Variants in XIST observed in about 807,000 individuals in gnomAD.
The protein encoded by XIST is X inactive specific transcript (non-protein coding).
exon 6 of XIST, chrX:73,824,530 A>C (rs1254347969): frequency 7.2e-6 from 4 of 556,053 alleles, no homozygotes; most frequent in Non-Finnish European, 1.3e-5. Context: ...TGATCTATTT[A>C]ACAGGTATTT....
chrX:73,826,562 T>A, exon 6 of XIST: 1 of 559,047 alleles, frequency 1.8e-6, no homozygotes, highest in Non-Finnish European at 3.2e-6. Context: ...CTCAAAAGAA[T>A]CAGGCTTAAA....
chrX:73,850,063 T>G (rs1220799664), exon 1 of XIST: 3 of 556,901 alleles, frequency 5.4e-6, no homozygotes, highest in East Asian at 6.5e-5. Context: ...AGTAGGTGAT[T>G]AGTCAATTAG....
intron 2 of XIST, among the ~76,000 whole-genome samples, chrX:73,835,568 GT>G (rs1217972704): frequency 8.9e-6 from 1 of 112,232 alleles, no homozygotes; most frequent in African/African-American, 3.2e-5. Flanking sequence ...TTTTATAGTT[GT>G]ATTATAGATG....
chrX:73,851,901 TCACA>T (rs773049134), exon 1 of XIST: 1 of 557,480 alleles, frequency 1.8e-6, no homozygotes, highest in Admixed American at 2.2e-5. Flanking sequence ...GTAGGTACAC[TCACA>T]CACCACCAAA....
intron 1 of XIST, chrX:73,837,574 A>G (rs752447651): frequency 6.2e-6 from 3 of 487,506 alleles, no homozygotes; most frequent in Non-Finnish European, 7.3e-6. Flanking sequence ...AGTTAATAAT[A>G]ATGTATCAAT....
At chrX:73,831,381 T>C (rs899764337) in intron 3 of XIST, 1 of 429,890 alleles carries the variant, frequency 2.3e-6, no homozygotes. Context: ...CTTTTCTTCA[T>C]GTGGATTGAA....
exon 1 of XIST, chrX:73,848,992 A>C (rs1360417205): frequency 1.8e-6 from 1 of 559,054 alleles, no homozygotes; most frequent in Non-Finnish European, 3.2e-6. Flanking sequence ...GGCTCTAAGA[A>C]TGAGTCAGTC....
At chrX:73,842,383 TC>T in exon 1 of XIST, 2 of 549,875 alleles carry the variant, frequency 3.6e-6, no homozygotes, top group East Asian at 3.3e-5. Flanking sequence ...GCAATCCAGC[TC>T]CCTGGGTCTG....
At chrX:73,827,106 T>C (rs1006368820) in exon 6 of XIST, 1 of 558,835 alleles carries the variant, frequency 1.8e-6, no homozygotes, top group African/African-American at 2.2e-5. Context: ...CTTCTATCCA[T>C]ATGAGCCTTC....
At chrX:73,844,918 G>A in exon 1 of XIST, 1 of 390,020 alleles carries the variant, frequency 2.6e-6, no homozygotes, top group Non-Finnish European at 4.9e-6. Context: ...TGCCAGAAGG[G>A]AAAGGAAGAT....
exon 4 of XIST, chrX:73,831,170 G>A (rs1351035990): frequency 1.1e-5 from 6 of 555,012 alleles, no homozygotes; most frequent in Non-Finnish European, 1.9e-5. Flanking sequence ...GTGGTAGTGA[G>A]CTTTTCCCCT....
intron 4 of XIST, among the ~76,000 whole-genome samples, chrX:73,830,039 T>C (rs1403484461): frequency 9.1e-6 from 1 of 110,192 alleles, no homozygotes; most frequent in Non-Finnish European, 1.9e-5. Flanking sequence ...ACAATATTGC[T>C]CTTTGAGATA....
At chrX:73,840,316 C>G (rs68043269) in intron 1 of XIST, among the ~76,000 whole-genome samples, 10,307 of 110,296 alleles carry the variant, frequency 0.093, 608 homozygotes, top group African/African-American at 0.21. Flanking sequence ...TGGAGTGGGG[C>G]TGGGAGGCAT....
At chrX:73,846,661 A>C (rs1922780456) in exon 1 of XIST, 1 of 557,559 alleles carries the variant, frequency 1.8e-6, no homozygotes, top group African/African-American at 2.2e-5. Flanking sequence ...TTCCTGCTGG[A>C]AGGGAAAAGT....
At chrX:73,844,738 T>C (rs777308341) in exon 1 of XIST, 1 of 555,365 alleles carries the variant, frequency 1.8e-6, no homozygotes, top group Non-Finnish European at 3.2e-6. Flanking sequence ...GGGCCTTGGT[T>C]ATCAGCACCC....
At chrX:73,850,666 G>C (rs1342712224) in exon 1 of XIST, 1 of 448,152 alleles carries the variant, frequency 2.2e-6, no homozygotes, top group Non-Finnish European at 3.9e-6. Context: ...CAACAGTGCA[G>C]TGCAGGGCAG....
exon 1 of XIST, chrX:73,841,617 C>T (rs1206107405): frequency 3.6e-6 from 2 of 558,507 alleles, no homozygotes; most frequent in Non-Finnish European, 6.5e-6. Flanking sequence ...TTATTCATTT[C>T]CACTAGGCAG....
At chrX:73,852,666 G>GA (rs1462403169) in exon 1 of XIST, 2 of 474,823 alleles carry the variant, frequency 4.2e-6, no homozygotes, top group Non-Finnish European at 7.3e-6. Context: ...CCCAAGTGCA[G>GA]AGAGATCTTC....
chrX:73,848,883 T>C (rs768144948), exon 1 of XIST: 17 of 555,507 alleles, frequency 3.1e-5, no homozygotes, highest in Non-Finnish European at 5.5e-5. Flanking sequence ...GTTCACACTA[T>C]CTAGGAGCAA....
Sources: gnomAD v4.1 joint callset for allele counts (sites outside exome capture counted in the v4.1 genomes callset) on GRCh38, gnomAD v4.1.1 for gene constraint, MANE v1.5 for transcripts, NCBI Gene and HGNC (gene_info 2026-07-23, HGNC 2026-07-21) for gene names.